The following SYN3 variants were observed in gnomAD, a reference collection of about 807,000 sequenced individuals.
The protein encoded by SYN3 is synapsin III.
In SYN3, 35 loss-of-function variants were observed where a neutral mutation model predicts 65.8. That is an observed-to-expected ratio of 0.53 (90% CI 0.41 to 0.70). The LOEUF (loss-of-function observed/expected upper bound fraction) is 0.70, where lower values mean the gene tolerates loss of function less well. Among genes scored for constraint, SYN3 ranks in the 30% least tolerant of loss-of-function variants. The pLI, the probability that SYN3 is intolerant of heterozygous loss-of-function variation, is 0.00. For synonymous variants in SYN3, 270 were observed against 292.9 expected (o/e 0.92, Z 0.80); for missense variants, 680 against 749.0 (o/e 0.91, Z 1.08).
chr22:32,665,509 A>C (rs867003705), intron 6 of SYN3, among the ~76,000 whole-genome samples: 54 of 122,258 alleles, frequency 4.4e-4, no homozygotes, highest in African/African-American at 1.6e-3. Flanking sequence ...ATATATATAT[A>C]TGTCTCACAT....
intron 1 of SYN3, among the ~76,000 whole-genome samples, chr22:33,047,055 C>A (rs773829007): frequency 6.6e-6 from 1 of 152,038 alleles, no homozygotes; most frequent in African/African-American, 2.4e-5. Flanking sequence ...CACGGCTCTA[C>A]TGAAATATTT....
intron 6 of SYN3, among the ~76,000 whole-genome samples, chr22:32,729,463 G>A (rs1302672272): frequency 6.6e-6 from 1 of 152,212 alleles, no homozygotes; most frequent in Non-Finnish European, 1.5e-5. Context: ...GCAGATGGGA[G>A]GCACCTTCAG....
intron 6 of SYN3, among the ~76,000 whole-genome samples, chr22:32,808,819 T>G (rs1345229065): frequency 2.0e-5 from 3 of 152,110 alleles, no homozygotes; most frequent in Admixed American, 1.3e-4. Context: ...AAACCCAAAT[T>G]CTCCAAAGCT....
chr22:32,535,964 C>T (rs1233372105), intron 9 of SYN3, among the ~76,000 whole-genome samples: 1 of 152,198 alleles, frequency 6.6e-6, no homozygotes, highest in Non-Finnish European at 1.5e-5. Context: ...GGGATCTCTC[C>T]AGCCCAGACC....
intron 6 of SYN3, among the ~76,000 whole-genome samples, chr22:32,613,035 G>C (rs1183522064): frequency 6.6e-6 from 1 of 151,904 alleles, no homozygotes; most frequent in African/African-American, 2.4e-5. Flanking sequence ...AAAAGTGTGT[G>C]GCACTTCCTC....
chr22:32,844,753 A>G (rs1002720913), intron 6 of SYN3, among the ~76,000 whole-genome samples: 3 of 150,550 alleles, frequency 2.0e-5, no homozygotes, highest in African/African-American at 7.4e-5. Flanking sequence ...TCTGTCACCC[A>G]GGCTGGAGTG....
intron 6 of SYN3, among the ~76,000 whole-genome samples, chr22:32,644,101 A>AAAGAG (rs368236821): frequency 0.042 from 3,002 of 71,220 alleles, 1,036 homozygotes; most frequent in East Asian, 0.073. Context: ...AAAAAAAAAA[A>AAAGAG]AGCGACAAGA....
chr22:32,876,402 C>T (rs1279369251), intron 4 of SYN3, among the ~76,000 whole-genome samples: 2 of 152,180 alleles, frequency 1.3e-5, no homozygotes, highest in Non-Finnish European at 2.9e-5. Flanking sequence ...AAAACCTTCA[C>T]TTTAAGGTTC....
At chr22:32,904,156 G>A (rs907478003) in intron 4 of SYN3, among the ~76,000 whole-genome samples, 5 of 152,240 alleles carry the variant, frequency 3.3e-5, no homozygotes, top group African/African-American at 1.2e-4. Context: ...ATTTGGCCAA[G>A]CTTGTTTCCT....
intron 6 of SYN3, among the ~76,000 whole-genome samples, chr22:32,666,818 C>T (rs943394675): frequency 6.6e-6 from 1 of 152,194 alleles, no homozygotes; most frequent in African/African-American, 2.4e-5. Flanking sequence ...AATATCTAAG[C>T]CTGCCTTGCG....
At chr22:32,769,612 G>C (rs1172309353) in intron 6 of SYN3, among the ~76,000 whole-genome samples, 1 of 151,848 alleles carries the variant, frequency 6.6e-6, no homozygotes. Context: ...CGCCTCCCGG[G>C]TTCAAGTTAT....
At chr22:32,647,260 G>T (rs2059996851) in intron 6 of SYN3, among the ~76,000 whole-genome samples, 1 of 152,076 alleles carries the variant, frequency 6.6e-6, no homozygotes. Context: ...AGGCCTCTTG[G>T]TGTTCTTTTC....
At chr22:32,780,861 C>G (rs2046023272) in intron 6 of SYN3, among the ~76,000 whole-genome samples, 1 of 152,056 alleles carries the variant, frequency 6.6e-6, no homozygotes, top group Admixed American at 6.5e-5. Context: ...GTAATAAGCA[C>G]TTAATGAGAG....
At chr22:32,602,742 C>T (rs2059303368) in intron 6 of SYN3, among the ~76,000 whole-genome samples, 1 of 152,170 alleles carries the variant, frequency 6.6e-6, no homozygotes, top group South Asian at 2.1e-4. Flanking sequence ...TTACAGGCGT[C>T]AGCTACCGCG....
intron 6 of SYN3, among the ~76,000 whole-genome samples, chr22:32,806,059 T>C (rs903634029): frequency 6.6e-6 from 1 of 151,858 alleles, no homozygotes; most frequent in Non-Finnish European, 1.5e-5. Flanking sequence ...TTGGTTTGTC[T>C]CACTGTGGCC....
chr22:32,892,889 T>C (rs715555), intron 4 of SYN3, among the ~76,000 whole-genome samples: 92,206 of 151,820 alleles, frequency 0.61, 28,531 homozygotes, highest in Non-Finnish European at 0.67. Context: ...TTGTAAAAAC[T>C]TAGAGAAGTG....
intron 4 of SYN3, among the ~76,000 whole-genome samples, chr22:32,923,870 G>A (rs1201046636): frequency 6.6e-6 from 1 of 152,068 alleles, no homozygotes; most frequent in African/African-American, 2.4e-5. Flanking sequence ...GTAGGCCTCA[G>A]TATCTGTTGT....
At chr22:32,652,224 C>G (rs2060081436) in intron 6 of SYN3, among the ~76,000 whole-genome samples, 1 of 152,150 alleles carries the variant, frequency 6.6e-6, no homozygotes, top group African/African-American at 2.4e-5. Flanking sequence ...AATGCACACA[C>G]TCAATTTAGA....
chr22:32,709,541 A>C (rs918940174), intron 6 of SYN3, among the ~76,000 whole-genome samples: 69 of 152,204 alleles, frequency 4.5e-4, no homozygotes, highest in Admixed American at 4.4e-3. Context: ...TTGTTGAACC[A>C]GGGTTTTTTT....
Sources: gnomAD v4.1 joint callset for allele counts (sites outside exome capture counted in the v4.1 genomes callset) on GRCh38, gnomAD v4.1.1 for gene constraint, MANE v1.5 for transcripts, NCBI Gene and HGNC (gene_info 2026-07-23, HGNC 2026-07-21) for gene names.